The following RINT1 variants were observed in gnomAD, a reference collection of about 807,000 sequenced individuals.
RINT1 encodes the protein RAD50 interactor 1.
RINT1 carries 75 observed loss-of-function variants against 97.7 expected under a neutral mutation model. The observed-to-expected ratio is 0.77, with a 90% CI of 0.64 to 0.93. The LOEUF is 0.93. Among genes scored for constraint, RINT1 ranks in the 40% least tolerant of loss-of-function variants. The pLI, the probability that RINT1 is intolerant of heterozygous loss-of-function variation, is 0.00. For missense variants in RINT1, 892 were observed against 925.2 expected, an observed-to-expected ratio of 0.96 and a Z score of 0.47; for synonymous variants, 303 against 326.3, an observed-to-expected ratio of 0.93 and a Z score of 0.77.
At chr7:105,532,739 C>T (rs1355158616) in intron 1 of RINT1, 85 bp from the exon 2 acceptor site, 1 of 1,412,550 alleles carries the variant, frequency 7.1e-7, no homozygotes, top group Admixed American at 1.7e-5. Context: ...TCTCTTGCCT[C>T]CAGTGGGTGC....
At chr7:105,548,771 C>T in intron 7 of RINT1, 61 bp downstream of exon 7, 1 of 1,464,806 alleles carries the variant, frequency 6.8e-7, no homozygotes, top group Non-Finnish European at 9.2e-7. Flanking sequence ...AGTTTCTATA[C>T]CTTTGCTGGT....
At chr7:105,559,698 T>G (rs972442016) in intron 11 of RINT1, among the ~76,000 whole-genome samples, 1 of 152,188 alleles carries the variant, frequency 6.6e-6, no homozygotes, top group South Asian at 2.1e-4. Flanking sequence ...CCAGCCTGGA[T>G]GACAAGAGCA....
At chr7:105,547,162 A>G (rs779647976) in intron 5 of RINT1, 22 bp from the exon 6 acceptor site, 8 of 1,613,994 alleles carry the variant, frequency 5.0e-6, no homozygotes, top group Non-Finnish European at 6.8e-6. Flanking sequence ...ACTGAAATGT[A>G]TGTGTTACTT....
chr7:105,544,893 A>G (rs1790596515), intron 4 of RINT1, among the ~76,000 whole-genome samples: 1 of 151,940 alleles, frequency 6.6e-6, no homozygotes, highest in South Asian at 2.1e-4. Context: ...TAATCTCTCC[A>G]TTTCCAGCTT....
intron 1 of RINT1, 119 bp downstream of exon 1, chr7:105,532,476 C>A: frequency 8.4e-7 from 1 of 1,185,062 alleles, no homozygotes; most frequent in Non-Finnish European, 1.2e-6. Context: ...GTGCTTCCTG[C>A]GGCTTAGATT....
At chr7:105,537,125 ATTTTTTTTTT>A (rs5886357) in intron 3 of RINT1, among the ~76,000 whole-genome samples, 2 of 113,350 alleles carry the variant, frequency 1.8e-5, no homozygotes, top group African/African-American at 6.3e-5. Flanking sequence ...CATCATTTCA[ATTTTTTTTTT>A]TTTTTTTTTT....
At chr7:105,536,782 G>A in intron 3 of RINT1, 33 bp downstream of exon 3, 4 of 1,328,728 alleles carry the variant, frequency 3.0e-6, no homozygotes, top group Non-Finnish European at 4.1e-6. Flanking sequence ...ATAATTATCA[G>A]TGGAATACTT....
intron 9 of RINT1, among the ~76,000 whole-genome samples, 153 bp from the exon 10 acceptor site, chr7:105,551,417 G>A (rs180694925): frequency 3.3e-5 from 5 of 152,292 alleles, no homozygotes; most frequent in African/African-American, 1.2e-4. Context: ...CCTGTTTAAA[G>A]CATTAATTAA....
In RINT1 at chr7:105,550,369, C is replaced by A. The variant is rs761628779; in HGVS notation, c.1216C>A (p.Leu406Ile). ...CTTCTGTCATTTGGTGGATGAAGTA[C>A]TCTTGTTTGAAAGGGAGCTACACAG... ...NLFCHLVDEV[L>I]LFERELHSVH... The change falls in exon 9 of 15, where the codon CTC becomes ATC. Residue 406 changes from leucine (L) to isoleucine (I), a missense_variant. Physicochemically the swap from Leu to Ile is conservative, Grantham distance 5. Coordinates refer to ENST00000257700, the MANE Select transcript of RINT1 (RefSeq NM_021930.6). The A allele has an allele frequency of 4.3e-6, 7 of 1,614,042 alleles. No individual in the cohort carries two copies. In the Middle Eastern group the frequency reaches 4.9e-4, roughly 114 times the overall value.
At chr7:105,548,069 C>A (rs1790753915) in intron 6 of RINT1, among the ~76,000 whole-genome samples, 1 of 151,616 alleles carries the variant, frequency 6.6e-6, no homozygotes. Context: ...ACTTTGTCAC[C>A]CAGGCTGAAG....
chr7:105,563,198 A>G (rs1791515802), intron 11 of RINT1, among the ~76,000 whole-genome samples: 1 of 152,238 alleles, frequency 6.6e-6, no homozygotes, highest in African/African-American at 2.4e-5. Flanking sequence ...TGAAATGTCC[A>G]GAACAGGCAA....
At chr7:105,546,271 T>C (rs1399228397) in intron 4 of RINT1, among the ~76,000 whole-genome samples, 1 of 152,186 alleles carries the variant, frequency 6.6e-6, no homozygotes, top group Non-Finnish European at 1.5e-5. Flanking sequence ...AAAAGGCAGA[T>C]TTATCAGAAA....
intron 10 of RINT1, among the ~76,000 whole-genome samples, chr7:105,554,216 G>A (rs1269678569): frequency 6.7e-6 from 1 of 150,292 alleles, no homozygotes; most frequent in Non-Finnish European, 1.5e-5. Flanking sequence ...TGTATTTCTA[G>A]TAGAGACAGG....
At chr7:105,539,914 CTTGT>C (rs1432644631) in intron 3 of RINT1, among the ~76,000 whole-genome samples, 1 of 152,124 alleles carries the variant, frequency 6.6e-6, no homozygotes. Flanking sequence ...GATGCTGTGT[CTTGT>C]TTATCTGCAT....
In RINT1 at chr7:105,547,348, G is replaced by A. The variant is rs2133388179; in HGVS notation, c.839+15G>A. 1 of 1,608,514 alleles carries A rather than the reference G, an allele frequency of 6.2e-7. No individual in the cohort carries two copies. Among genetic ancestry groups the A allele is most frequent in the South Asian group, 1.1e-5 (1 of 89,858 alleles). ...CTACAAACCTCGTATCTTTGTTGCA[G>A]CTGAAAACTTACTAAAATTTCTTTT... On this transcript the variant is annotated intron_variant, in intron 6 of 14. Coordinates refer to ENST00000257700, the MANE Select transcript of RINT1 (RefSeq NM_021930.6).
chr7:105,553,722 CTT>C (rs1333654612), intron 10 of RINT1, among the ~76,000 whole-genome samples: 1 of 136,662 alleles, frequency 7.3e-6, no homozygotes, highest in Admixed American at 7.3e-5. Flanking sequence ...TGTAAATTGT[CTT>C]TTTTTTTTTT....
chr7:105,549,915 G>A, intron 7 of RINT1, 140 bp from the exon 8 acceptor site: 1 of 561,762 alleles, frequency 1.8e-6, no homozygotes, highest in Non-Finnish European at 3.1e-6. Flanking sequence ...AAAATTTGGA[G>A]TAGAAATTGT....
At chr7:105,534,535 A>C (rs1199320406) in intron 2 of RINT1, among the ~76,000 whole-genome samples, 1 of 150,422 alleles carries the variant, frequency 6.6e-6, no homozygotes, top group Non-Finnish European at 1.5e-5. Context: ...ACATAATAGT[A>C]GATTATTATA....
intron 6 of RINT1, among the ~76,000 whole-genome samples, chr7:105,547,629 A>C (rs2133388956): frequency 6.6e-6 from 1 of 152,256 alleles, no homozygotes; most frequent in Non-Finnish European, 1.5e-5. Flanking sequence ...CTTTAGTGTC[A>C]TAGCGTGAAT....
Sources: allele counts gnomAD v4.1 joint callset (sites outside exome capture counted in the v4.1 genomes callset), GRCh38; gene constraint gnomAD v4.1.1; transcripts MANE v1.5; gene names NCBI Gene and HGNC (gene_info 2026-07-23, HGNC 2026-07-21).